Variants in RBFOX1 observed in about 807,000 individuals in gnomAD.
RBFOX1 encodes the protein RNA binding protein fox-1 homolog 1.
Under a neutral mutation model 57.7 loss-of-function variants are expected in RBFOX1, and 8 were observed. That is an observed-to-expected ratio of 0.14 (90% CI 0.08 to 0.25). The LOEUF (loss-of-function observed/expected upper bound fraction) is 0.25. RBFOX1 is among the 10% of genes least tolerant of loss of function. The pLI is 1.00. For synonymous variants in RBFOX1, 326 were observed against 222.4 expected (o/e 1.47, Z -4.15); for missense variants, 611 against 548.5 (o/e 1.11, Z -1.14).
intron 1 of RBFOX1, among the ~76,000 whole-genome samples, chr16:6,027,506 T>C (rs944609168): frequency 6.6e-6 from 1 of 152,164 alleles, no homozygotes; most frequent in Non-Finnish European, 1.5e-5. Context: ...ACCTTTCACT[T>C]TCTTCAATTT....
intron 4 of RBFOX1, among the ~76,000 whole-genome samples, chr16:5,965,972 C>G (rs558322124): frequency 1.3e-5 from 2 of 152,294 alleles, no homozygotes; most frequent in South Asian, 2.1e-4. Context: ...ATGTTTCGGC[C>G]AAGGAGCTGG....
chr16:6,363,929 T>C (rs1239784980), intron 2 of RBFOX1, among the ~76,000 whole-genome samples: 2 of 152,208 alleles, frequency 1.3e-5, no homozygotes, highest in Non-Finnish European at 2.9e-5. Context: ...TATGTAATCA[T>C]ATCGTACAAT....
chr16:5,919,305 C>CAAAGTGAA (rs1237108874), intron 4 of RBFOX1, among the ~76,000 whole-genome samples: 1 of 152,122 alleles, frequency 6.6e-6, no homozygotes, highest in Non-Finnish European at 1.5e-5. Context: ...ACTAAAAGCC[C>CAAAGTGAA]AAAGTGAAAC....
At chr16:7,174,790 G>C (rs9944357) in intron 4 of RBFOX1, among the ~76,000 whole-genome samples, 1 of 151,800 alleles carries the variant, frequency 6.6e-6, no homozygotes, top group Non-Finnish European at 1.5e-5. Flanking sequence ...AAAACAAACA[G>C]ACAAACAAAA....
chr16:6,308,754 T>A (rs980118394), intron 1 of RBFOX1, among the ~76,000 whole-genome samples: 4 of 152,162 alleles, frequency 2.6e-5, no homozygotes, highest in African/African-American at 9.7e-5. Flanking sequence ...TATCAGGAGT[T>A]GTGGAATAAG....
In RBFOX1 at chr16:6,805,937, C is replaced by T. The variant is rs371813155; in HGVS notation, c.-16+151287C>T. The stretch of plus-strand genomic sequence containing the variant: ...CTTTACTCATTGCTTTAGTTCTAAA[C>T]CATAGAATTCCAAAAGCCAAGCTGG... On this transcript the variant is annotated intron_variant, in intron 3 of 15. Transcript: ENST00000550418. Among the ~76,000 whole-genome samples, 8 of 152,216 alleles carry T rather than the reference C, an allele frequency of 5.3e-5. No individual in the cohort carries two copies. In the South Asian group the frequency reaches 1.2e-3, roughly 24 times the overall value.
At chr16:6,347,962 G>A (rs1331089828) in intron 2 of RBFOX1, among the ~76,000 whole-genome samples, 8 of 152,210 alleles carry the variant, frequency 5.3e-5, no homozygotes, top group Admixed American at 4.6e-4. Flanking sequence ...GCTTACTCCT[G>A]AATACAAGAA....
At chr16:7,314,216 C>T (rs764839918) in intron 4 of RBFOX1, among the ~76,000 whole-genome samples, 6 of 152,114 alleles carry the variant, frequency 3.9e-5, no homozygotes, top group South Asian at 2.1e-4. Flanking sequence ...CTCTGTTGTA[C>T]TGGGGAGCTC....
At chr16:6,883,113 G>A (rs1339802415) in intron 3 of RBFOX1, among the ~76,000 whole-genome samples, 1 of 152,132 alleles carries the variant, frequency 6.6e-6, no homozygotes, top group Non-Finnish European at 1.5e-5. Context: ...AATGGCTACA[G>A]TATATATCAA....
chr16:6,396,467 A>G (rs1014317169), intron 2 of RBFOX1, among the ~76,000 whole-genome samples: 1 of 151,964 alleles, frequency 6.6e-6, no homozygotes, highest in African/African-American at 2.4e-5. Context: ...AGATTTACCT[A>G]TAAAATCTAC....
At chr16:7,086,923 G>C (rs1166651073) in intron 4 of RBFOX1, among the ~76,000 whole-genome samples, 3 of 152,138 alleles carry the variant, frequency 2.0e-5, no homozygotes, top group African/African-American at 7.2e-5. Context: ...CCCATCCCCC[G>C]GCCCTCCTTC....
rs550623153 is a variant in RBFOX1, at chr16:7,359,255, C to CTA, written c.28-158890_28-158889dup. 1.8e-3 allele frequency among the ~76,000 whole-genome samples: 271 copies of CTA among 152,260 alleles called. 2 individuals are homozygous for CTA. Among genetic ancestry groups the CTA allele is most frequent in the Non-Finnish European group, 3.1e-3 (214 of 68,034 alleles). ...GGGACGATTATGAGAAGGAAATGAA[C>CTA]TATCATAGGATATGTAAAATAGTAT... On this transcript the variant is annotated intron_variant, in intron 4 of 15. Transcript: ENST00000550418.
chr16:6,654,913 C>G (rs958494014), intron 3 of RBFOX1, among the ~76,000 whole-genome samples: 1 of 152,030 alleles, frequency 6.6e-6, no homozygotes. Context: ...TCATACCCTT[C>G]TTTTCAGGAA....
At chr16:5,304,292 T>G (rs2063877740) in intron 1 of RBFOX1, among the ~76,000 whole-genome samples, 1 of 152,254 alleles carries the variant, frequency 6.6e-6, no homozygotes, top group South Asian at 2.1e-4. Flanking sequence ...CATCCTCTGC[T>G]ATGCCTTTTA....
intron 4 of RBFOX1, among the ~76,000 whole-genome samples, chr16:7,070,716 G>T (rs530107410): frequency 1.3e-5 from 2 of 152,318 alleles, no homozygotes; most frequent in Non-Finnish European, 2.9e-5. Flanking sequence ...TTCTAAGTAG[G>T]CAAGAGCATC....
intron 2 of RBFOX1, among the ~76,000 whole-genome samples, chr16:6,612,286 C>T (rs1165868026): frequency 6.6e-6 from 1 of 152,112 alleles, no homozygotes. Context: ...CAACACATTT[C>T]TCAAAACTAA....
rs139645032 is a variant in RBFOX1 at position 7,040,169 on chromosome 16, C to G, written c.-15-11888C>G. Among the ~76,000 whole-genome samples the G allele has an allele frequency of 4.2e-3, 643 of 151,810 alleles. 6 individuals carry two copies. The highest frequency in any genetic ancestry group is 0.024 in the East Asian group (126 of 5,144). On this transcript the variant is annotated intron_variant, in intron 3 of 15. Transcript: ENST00000550418. The stretch of plus-strand genomic sequence containing the variant: ...CCGAGTAGCTGGGACTACAGGTGCC[C>G]GCCACCATGCTAGCTAGTTTTCTGT...
intron 2 of RBFOX1, among the ~76,000 whole-genome samples, chr16:5,491,703 C>A (rs1597282115): frequency 6.6e-6 from 1 of 152,166 alleles, no homozygotes; most frequent in Non-Finnish European, 1.5e-5. Flanking sequence ...GCATTGGATA[C>A]CCCAGAATGT....
At chr16:5,896,868 A>G (rs1213596962) in intron 4 of RBFOX1, among the ~76,000 whole-genome samples, 1 of 152,044 alleles carries the variant, frequency 6.6e-6, no homozygotes, top group African/African-American at 2.4e-5. Flanking sequence ...TAAACATCAT[A>G]TATTCATTCC....
Sources: gnomAD v4.1 joint callset for allele counts (sites outside exome capture counted in the v4.1 genomes callset) on GRCh38, gnomAD v4.1.1 for gene constraint, MANE v1.5 for transcripts, NCBI Gene and HGNC (gene_info 2026-07-23, HGNC 2026-07-21) for gene names.